The following ZNFX1 variants were observed in gnomAD, a reference collection of about 807,000 sequenced individuals.
The protein encoded by ZNFX1 is zinc finger NFX1-type containing 1.
A neutral mutation model predicts 179.8 loss-of-function variants in ZNFX1; 78 were observed. The observed-to-expected ratio is 0.43, with a 90% confidence interval of 0.36 to 0.52. The LOEUF is 0.52. ZNFX1 is among the 20% of genes least tolerant of loss of function. The pLI, the probability that ZNFX1 is intolerant of heterozygous loss-of-function variation, is 0.00. For synonymous variants in ZNFX1, 848 were observed against 868.5 expected (o/e 0.98, Z 0.42); for missense variants, 1,927 against 2,386.6 (o/e 0.81, Z 4.01).
chr20:49,250,889 T>G (rs531243677), intron 13 of ZNFX1, among the ~76,000 whole-genome samples: 5 of 152,108 alleles, frequency 3.3e-5, no homozygotes, highest in Admixed American at 1.3e-4. Context: ...TTTTGTATTT[T>G]TAGTAGAGAT....
chr20:49,264,438 T>C (rs573795690), intron 5 of ZNFX1, among the ~76,000 whole-genome samples: 1 of 152,272 alleles, frequency 6.6e-6, no homozygotes, highest in African/African-American at 2.4e-5. Flanking sequence ...ATTTCCCTGG[T>C]CAGTTGGCTG....
At chr20:49,264,625 A>C (rs1262985431) in intron 5 of ZNFX1, 91 bp downstream of exon 5, 1 of 1,522,228 alleles carries the variant, frequency 6.6e-7, no homozygotes, top group Admixed American at 1.9e-5. Flanking sequence ...GGAGCCTCCA[A>C]ATCTACCCTG....
chr20:49,250,611 C>T (rs552945420), intron 13 of ZNFX1, among the ~76,000 whole-genome samples: 15 of 152,126 alleles, frequency 9.9e-5, no homozygotes, highest in African/African-American at 3.1e-4. Context: ...TACAGTGGCA[C>T]GGTCTTGTTG....
chr20:49,266,279 G>C lies in ZNFX1; in HGVS notation c.1871-13C>G. ...ACATAGGTTTTGCCTAGAAAATAAG[G>C]AAAAAGGAATTTAACAATTTAGACA... is the stretch of plus-strand genomic sequence containing the variant. On this transcript the variant is annotated splice_polypyrimidine_tract_variant and intron_variant, in intron 3 of 13. Transcript: ENST00000396105. 6.4e-7 allele frequency: 1 copy of C among 1,567,580 alleles called. No homozygotes were observed. Among genetic ancestry groups the C allele is most frequent in the Non-Finnish European group, 8.6e-7 (1 of 1,162,444 alleles).
At chr20:49,258,101 T>TTC (rs1981017393) in intron 7 of ZNFX1, among the ~76,000 whole-genome samples, 2 of 150,146 alleles carry the variant, frequency 1.3e-5, no homozygotes, top group Non-Finnish European at 3.0e-5. Context: ...TTATGTGATT[T>TTC]TTTTTTTTTT....
intron 10 of ZNFX1, 65 bp downstream of exon 10, chr20:49,254,430 C>G: frequency 6.3e-7 from 1 of 1,587,520 alleles, no homozygotes; most frequent in Non-Finnish European, 8.6e-7. Context: ...TTTACCTGTC[C>G]TTAGATAATC....
In ZNFX1 at chr20:49,248,003, A is replaced by G. The variant is rs1460052510; in HGVS notation, c.5021T>C (p.Leu1674Pro). The change falls in exon 14 of 14, where the codon CTC becomes CCC. Residue 1674 changes from leucine (L) to proline (P), a missense_variant. Transcript: ENST00000396105. The surrounding 1 kb of genome is among the most constrained non-coding windows in gnomAD (Gnocchi z 4.6). ...GAAGTCTTCAGGAAGCAGCTGGTGG[A>G]GGAGGCTCTTCCTCTCCAGCAGGGC... Reference protein sequence around the residue: ...LKALLERKSLLHQLLPEDFLM... With the variant: ...LKALLERKSLPHQLLPEDFLM... 3 of 1,614,130 alleles carry G rather than the reference A, an allele frequency of 1.9e-6. No individual in the cohort carries two copies. The highest frequency in any genetic ancestry group is 2.5e-6 in the Non-Finnish European group (3 of 1,180,034).
At chr20:49,268,400 C>G (rs1234240621) in intron 3 of ZNFX1, among the ~76,000 whole-genome samples, 1 of 152,148 alleles carries the variant, frequency 6.6e-6, no homozygotes, top group Non-Finnish European at 1.5e-5. Flanking sequence ...CTATGCATGA[C>G]AATGGGTTCC....
chr20:49,247,300 C>G lies in ZNFX1; in HGVS notation c.5724G>C (p.Leu1908=), dbSNP rs931641371. 1.9e-6 allele frequency: 3 copies of G among 1,612,282 alleles called. No individual in the cohort carries two copies. In the African/African-American group the frequency reaches 4.0e-5, roughly 22 times the overall value. Residue 1908 remains leucine (L), a synonymous_variant, in exon 14 of 14, where the codon CTG becomes CTC. Coordinates refer to ENST00000396105, the MANE Select transcript of ZNFX1 (RefSeq NM_021035.3). ...TCCCCTGGATCTCCTCAAAGTTCAT[C>G]AGGTTGTTGGCCGTGTCAGACCAGG... is the stretch of plus-strand genomic sequence containing the variant. The part of the protein sequence containing the change: ...HAAWSDTANN[L]MNFEEIQGMM
At position 49,257,152 on chromosome 20, in the gene ZNFX1, GC is replaced by G. The variant is rs1665409531; in HGVS notation, c.2664+264del. 2.0e-5 allele frequency among the ~76,000 whole-genome samples: 3 copies of G among 152,304 alleles called. No homozygotes were observed. In the South Asian group the frequency reaches 6.2e-4, roughly 32 times the overall value. On this transcript the variant is annotated intron_variant, in intron 8 of 13. Transcript: ENST00000396105. The stretch of plus-strand genomic sequence containing the variant: ...ACCGTGTTTGACCTGACTCATATGT[GC>G]TACATTCTTCCACAAGTTCTACAGA...
In ZNFX1 at chr20:49,270,903, T is replaced by C. The variant is rs1981373731; in HGVS notation, c.909A>G (p.Glu303=). ...CCTCTCGCCTCTTTTCCTGCAGATG[T>C]TCAATGATAGTCTGTACCTTTTCCA... ...KNLEKVQTII[E]HLQEKRREGT... is the part of the protein sequence containing the mutation. The change falls in exon 3 of 14, where the codon GAA becomes GAG. Residue 303 remains glutamate (E), a synonymous_variant. Transcript: ENST00000396105. This position sits in a 1 kb window ranked among gnomAD's most constrained non-coding sequence, Gnocchi z 4.6. The C allele has an allele frequency of 3.1e-6, 5 of 1,614,156 alleles. No individual in the cohort carries two copies. The highest frequency in any genetic ancestry group is 4.2e-6 in the Non-Finnish European group (5 of 1,180,028).
Position 49,271,564 on chromosome 20 carries a change from T to A in ZNFX1, c.248A>T (p.Asn83Ile), listed in dbSNP as rs780838151. The A allele has an allele frequency of 5.0e-6, 8 of 1,613,984 alleles. No homozygotes were observed. Among genetic ancestry groups the A allele is most frequent in the Non-Finnish European group, 4.2e-6 (5 of 1,180,006 alleles). Residue 83 changes from asparagine (N) to isoleucine (I), a missense_variant, in exon 3 of 14, where the codon AAC (asparagine) becomes ATC (isoleucine). By Grantham distance (149) the Asn-to-Ile change is moderately radical. Coordinates refer to ENST00000396105, the MANE Select transcript of ZNFX1 (RefSeq NM_021035.3). ...MGRNPHQGRR[N>I]QEGHASDEAR... is the part of the protein sequence containing the mutation. ...TTCGTCGCTGGCATGCCCCTCCTGG[T>A]TCCTCCTTCCTTGATGTGGGTTCCT...
At chr20:49,275,716 G>C (rs375561050) in intron 2 of ZNFX1, 63 bp downstream of exon 2, 13 of 1,477,768 alleles carry the variant, frequency 8.8e-6, no homozygotes, top group Non-Finnish European at 1.1e-5. Context: ...CATTTATAGA[G>C]AGCCCTATTT....
At chr20:49,251,872 A>C (rs1980846682) in intron 12 of ZNFX1, among the ~76,000 whole-genome samples, 1 of 147,794 alleles carries the variant, frequency 6.8e-6, no homozygotes, top group South Asian at 2.1e-4. Context: ...ACGTGTCACC[A>C]AGGCTGGGGT....
chr20:49,260,955 C>A (rs1214150174), intron 6 of ZNFX1, among the ~76,000 whole-genome samples: 1 of 152,162 alleles, frequency 6.6e-6, no homozygotes, highest in Admixed American at 6.5e-5. Flanking sequence ...GTGGTGCATG[C>A]CTGTAGTCCC....
chr20:49,261,993 T>A (rs1981125413), intron 6 of ZNFX1, among the ~76,000 whole-genome samples: 1 of 148,428 alleles, frequency 6.7e-6, no homozygotes, highest in African/African-American at 2.5e-5. Context: ...CACGTACCCC[T>A]GAACTTAAAA....
intron 2 of ZNFX1, among the ~76,000 whole-genome samples, chr20:49,274,599 A>G (rs1291413542): frequency 1.3e-5 from 2 of 152,204 alleles, no homozygotes; most frequent in Non-Finnish European, 2.9e-5. Flanking sequence ...TCTCTACTAA[A>G]AACACGAAAA....
intron 2 of ZNFX1, among the ~76,000 whole-genome samples, chr20:49,274,997 CCTGTAATCCCAGCTACTTGGGAGG>C (rs1469009156): frequency 1.3e-5 from 2 of 151,428 alleles, no homozygotes; most frequent in Admixed American, 6.6e-5. Flanking sequence ...GTGGTGGGCA[CCTGTAATCCCAGCTACTTGGGAGG>C]CTGAGGCAGG....
At chr20:49,258,292 T>C (rs1366682876) in intron 7 of ZNFX1, among the ~76,000 whole-genome samples, 3 of 146,760 alleles carry the variant, frequency 2.0e-5, no homozygotes, top group Non-Finnish European at 4.5e-5. Context: ...ACAGGGTTTC[T>C]CCATGTTGGT....
Sources: allele counts gnomAD v4.1 joint callset (sites outside exome capture counted in the v4.1 genomes callset), GRCh38; gene constraint gnomAD v4.1.1; non-coding constraint Gnocchi (gnomAD v3.1); transcripts MANE v1.5; gene names NCBI Gene and HGNC (gene_info 2026-07-23, HGNC 2026-07-21).